The following CDKN2AIPNL variants were observed in gnomAD, a reference collection of about 807,000 sequenced individuals.
CDKN2AIPNL encodes CDKN2AIP N-terminal-like protein.
Under a neutral mutation model 12.9 loss-of-function variants are expected in CDKN2AIPNL, and 9 were observed. That is an observed-to-expected ratio of 0.70 (90% confidence interval 0.42 to 1.22). CDKN2AIPNL has a LOEUF of 1.22. Ranked by LOEUF, CDKN2AIPNL falls within the 50% of genes most tolerant of loss-of-function variation. CDKN2AIPNL has a pLI of 0.00. For missense variants in CDKN2AIPNL, 143 were observed against 153.6 expected, an observed-to-expected ratio of 0.93 and a Z score of 0.37; for synonymous variants, 53 against 61.7, an observed-to-expected ratio of 0.86 and a Z score of 0.66.
chr5:134,406,740 C>T (rs1256152402), intron 2 of CDKN2AIPNL, among the ~76,000 whole-genome samples: 1 of 152,168 alleles, frequency 6.6e-6, no homozygotes, highest in Admixed American at 6.5e-5. Flanking sequence ...CATGGTGGTA[C>T]ACACCTGTAG....
In CDKN2AIPNL at chr5:134,402,552, G is replaced by A. The variant is rs987565317; in HGVS notation, c.*363C>T. ...CCTGAAAATATGAGCCCAGGAGTTC[G>A]AGGCTGCAATGAGCCAATACTGCAC... On this transcript the variant is annotated 3_prime_UTR_variant, in exon 3 of 3. Coordinates refer to ENST00000458198, the MANE Select transcript of CDKN2AIPNL (RefSeq NM_080656.3). 1.0e-5 allele frequency: 2 copies of A among 198,054 alleles called. No individual in the cohort carries two copies. Among genetic ancestry groups the A allele is most frequent in the Admixed American group, 6.0e-5 (1 of 16,628 alleles). 12.3% of individuals were successfully genotyped at this position (198,054 alleles called of 1,614,324 possible).
chr5:134,408,933 C>A (rs1759148541), intron 2 of CDKN2AIPNL, among the ~76,000 whole-genome samples: 1 of 152,122 alleles, frequency 6.6e-6, no homozygotes, highest in African/African-American at 2.4e-5. Context: ...AACTGAGAAT[C>A]TGATTAGTTC....
chr5:134,407,959 T>A (rs1349511328), intron 2 of CDKN2AIPNL, among the ~76,000 whole-genome samples: 2 of 151,750 alleles, frequency 1.3e-5, no homozygotes, highest in Non-Finnish European at 2.9e-5. Flanking sequence ...GGCAAAACCC[T>A]TTCTCTACTA....
chr5:134,410,069 G>A, intron 1 of CDKN2AIPNL, 67 bp from the exon 2 acceptor site: 5 of 1,119,450 alleles, frequency 4.5e-6, no homozygotes, highest in Non-Finnish European at 6.7e-6. Flanking sequence ...ATAAGAAACT[G>A]CAGGTTGCTC....
chr5:134,409,285 C>T (rs1361168611), intron 2 of CDKN2AIPNL, among the ~76,000 whole-genome samples: 1 of 152,188 alleles, frequency 6.6e-6, no homozygotes, highest in East Asian at 1.9e-4. Context: ...GTGAAACAAG[C>T]ATGTTTTGGA....
chr5:134,405,108 CTTT>C (rs66512248), intron 2 of CDKN2AIPNL, among the ~76,000 whole-genome samples: 13 of 131,624 alleles, frequency 9.9e-5, no homozygotes, highest in Non-Finnish European at 1.5e-4. Flanking sequence ...CGTCATTTTT[CTTT>C]TTTTTTTTTT....
chr5:134,404,209 G>C (rs1759068932), intron 2 of CDKN2AIPNL, among the ~76,000 whole-genome samples: 1 of 152,190 alleles, frequency 6.6e-6, no homozygotes, highest in African/African-American at 2.4e-5. Flanking sequence ...TGTGGGATCA[G>C]ACACACCTTT....
chr5:134,409,391 TCAAGACTCTAGG>T (rs1234643340), intron 2 of CDKN2AIPNL, among the ~76,000 whole-genome samples: 1 of 152,152 alleles, frequency 6.6e-6, no homozygotes, highest in Non-Finnish European at 1.5e-5. Flanking sequence ...GTGTCCAGAT[TCAAGACTCTAGG>T]CAAGACTCAC....
At chr5:134,409,767 A>G in intron 2 of CDKN2AIPNL, 136 bp downstream of exon 2, 1 of 522,956 alleles carries the variant, frequency 1.9e-6, no homozygotes, top group Non-Finnish European at 3.4e-6. Flanking sequence ...AATTATGGGG[A>G]AATAAAAATG....
rs757729027 is a variant in CDKN2AIPNL at position 134,402,935 on chromosome 5, AAAAG to A, written c.340-13_340-10del. ...CTGGCTTAGCTTTGATGCTGGGAAA[AAAAG>A]AAAAGAAAAGGTTACATAACCATGT... is the stretch of plus-strand genomic sequence containing the variant. On this transcript the variant is annotated splice_polypyrimidine_tract_variant and intron_variant, in intron 2 of 2. Transcript: ENST00000458198. The A allele has an allele frequency of 4.4e-6, 7 of 1,603,160 alleles. No individual in the cohort carries two copies. Among genetic ancestry groups the A allele is most frequent in the South Asian group, 1.1e-5 (1 of 90,704 alleles).
At position 134,402,788 on chromosome 5, in the gene CDKN2AIPNL, T is replaced by C; in HGVS notation, c.*127A>G. ...GCCAATCTAGACAGAGTCCTTCTCATTCCACCTGCCTCTTTATGTTGGTAA... is the reference window on the plus strand; with the variant it reads ...GCCAATCTAGACAGAGTCCTTCTCACTCCACCTGCCTCTTTATGTTGGTAA... On this transcript the variant is annotated 3_prime_UTR_variant, in exon 3 of 3. Coordinates refer to ENST00000458198, the MANE Select transcript of CDKN2AIPNL (RefSeq NM_080656.3). The C allele has an allele frequency of 1.3e-6, 1 of 761,916 alleles. No homozygotes were observed. Among genetic ancestry groups the C allele is most frequent in the Non-Finnish European group, 2.1e-6 (1 of 472,924 alleles). 47.2% of individuals were successfully genotyped at this position (761,916 alleles called of 1,614,324 possible). A position where few individuals can be genotyped will look rare whatever the true frequency, so the allele number is the denominator to read the frequency against.
In CDKN2AIPNL at chr5:134,411,597, G is replaced by A. The variant is rs760984371; in HGVS notation, c.239+19C>T. On this transcript the variant is annotated intron_variant, in intron 1 of 2. Transcript: ENST00000458198. ...CGGAAGATAGGGGACAGGATCAGCC[G>A]GCCGGCAGGGGTCCGCACCTGCAGC... 1.9e-6 allele frequency: 3 copies of A among 1,601,584 alleles called. No individual in the cohort carries two copies. The highest frequency in any genetic ancestry group is 1.7e-5 in the Admixed American group (1 of 59,420).
Position 134,403,326 on chromosome 5 carries a change from T to C in CDKN2AIPNL, c.340-400A>G, listed in dbSNP as rs79542162. Reference sequence around the variant, plus strand: ...CAACATTTCACATTGAGTCAGGATATTTAGATGTGAAGGTTATATATTTCT... The same window carrying C: ...CAACATTTCACATTGAGTCAGGATACTTAGATGTGAAGGTTATATATTTCT... On this transcript the variant is annotated intron_variant, in intron 2 of 2. Transcript: ENST00000458198. Among the ~76,000 whole-genome samples the C allele has an allele frequency of 1.5e-3, 221 of 152,352 alleles. 1 individual carries two copies. The East Asian group carries it at 0.024, about 17-fold the overall frequency.
intron 2 of CDKN2AIPNL, among the ~76,000 whole-genome samples, chr5:134,404,956 T>C (rs1242532156): frequency 6.6e-6 from 1 of 151,624 alleles, no homozygotes; most frequent in Non-Finnish European, 1.5e-5. Context: ...CGGCTAATTT[T>C]TGTATTTTTA....
chr5:134,405,230 C>G lies in CDKN2AIPNL; in HGVS notation c.340-2304G>C, dbSNP rs557087317. ...ACGCCATTCTCCTGCCTCAGCCTCC[C>G]GAGTAGCTGGGACTACAGGCGCCCG... On this transcript the variant is annotated intron_variant, in intron 2 of 2. Transcript: ENST00000458198. Among the ~76,000 whole-genome samples the G allele has an allele frequency of 5.3e-3, 788 of 147,706 alleles. 8 individuals carry two copies. Among genetic ancestry groups the G allele is most frequent in the African/African-American group, 0.016 (629 of 40,004 alleles).
chr5:134,406,367 T>C (rs1759103555), intron 2 of CDKN2AIPNL, among the ~76,000 whole-genome samples: 1 of 152,212 alleles, frequency 6.6e-6, no homozygotes, highest in Non-Finnish European at 1.5e-5. Context: ...ACAGACGTTT[T>C]CAGGTGTATG....
At chr5:134,405,262 C>T (rs1192142472) in intron 2 of CDKN2AIPNL, among the ~76,000 whole-genome samples, 2 of 150,524 alleles carry the variant, frequency 1.3e-5, no homozygotes, top group South Asian at 2.1e-4. Context: ...CCCGCCACCG[C>T]GCCCGGCTAA....
chr5:134,406,443 G>A (rs1759104596), intron 2 of CDKN2AIPNL, among the ~76,000 whole-genome samples: 2 of 152,182 alleles, frequency 1.3e-5, no homozygotes, highest in South Asian at 4.1e-4. Context: ...AGCATCCTCT[G>A]TCATGTGTGC....
intron 2 of CDKN2AIPNL, among the ~76,000 whole-genome samples, chr5:134,404,628 ATT>A (rs113061543): frequency 7.2e-5 from 10 of 138,254 alleles, no homozygotes; most frequent in Non-Finnish European, 7.9e-5. Flanking sequence ...GGCTAGGCTG[ATT>A]TTTTTTTTTT....
Sources: gnomAD v4.1 joint callset for allele counts (sites outside exome capture counted in the v4.1 genomes callset) on GRCh38, gnomAD v4.1.1 for gene constraint, MANE v1.5 for transcripts, NCBI Gene and HGNC (gene_info 2026-07-23, HGNC 2026-07-21) for gene names.